The following ARRDC2 variants were observed in gnomAD, a reference collection of about 807,000 sequenced individuals.
ARRDC2 encodes arrestin domain containing 2, also known as arrestin domain-containing protein 2.
In ARRDC2, 39 loss-of-function variants were observed where a neutral mutation model predicts 38.9. The ratio of observed to expected loss-of-function variants is 1.00; its 90% CI spans 0.78 to 1.31. ARRDC2 has a LOEUF of 1.31. ARRDC2 is among the 50% of genes most tolerant of loss of function. The probability of loss-of-function intolerance (pLI) is 0.00; values close to 1 mark genes in which losing one functional copy is unlikely to be tolerated. For synonymous variants in ARRDC2, 300 were observed against 261.9 expected (o/e 1.15, Z -1.41); for missense variants, 553 against 588.4 (o/e 0.94, Z 0.62).
At chr19:18,008,116 A>ACGCCGCCC, upstream of ARRDC2, 1 of 522,500 alleles carries the variant, frequency 1.9e-6, no homozygotes, top group Non-Finnish European at 2.9e-6. Context: ...AGAGACGGTG[A>ACGCCGCCC]CCCCACCCCC....
At position 18,009,031 on chromosome 19, in the gene ARRDC2, C is replaced by T. The variant is rs1348987250; in HGVS notation, c.402C>T (p.Thr134=). 3.1e-6 allele frequency: 5 copies of T among 1,613,714 alleles called. No homozygotes were observed. Among genetic ancestry groups the T allele is most frequent in the Admixed American group, 3.3e-5 (2 of 60,018 alleles). The change falls in exon 3 of 8, where the codon ACC becomes ACT. Residue 134 remains threonine (T), a synonymous_variant. Coordinates refer to ENST00000222250, the MANE Select transcript of ARRDC2 (RefSeq NM_015683.2). The stretch of plus-strand genomic sequence containing the variant: ...GTGTCCGCTACTGTATCAAGGCCAC[C>T]CTGCACCGGCCCTGGGTCCCAGCAC... ...HGSVRYCIKA[T]LHRPWVPARR...
upstream of ARRDC2, among the ~76,000 whole-genome samples, chr19:18,006,145 G>T (rs1032284495): frequency 2.7e-5 from 4 of 150,892 alleles, no homozygotes. Context: ...TTTCCAGACT[G>T]GGCAGCCAGG....
chr19:18,007,911 C>T (rs1425270315), upstream of ARRDC2: 1 of 303,618 alleles, frequency 3.3e-6, no homozygotes, highest in Non-Finnish European at 6.2e-6. Flanking sequence ...GCCTCTGCAC[C>T]TCTTTTTTTC....
chr19:18,009,121 G>A lies in ARRDC2; in HGVS notation c.489+3G>A. 1 of 1,613,372 alleles carries A rather than the reference G, an allele frequency of 6.2e-7. No homozygotes were observed. Among genetic ancestry groups the A allele is most frequent in the African/African-American group, 1.3e-5 (1 of 75,034 alleles). On this transcript the variant is annotated splice_donor_region_variant and intron_variant, in intron 3 of 7. Coordinates refer to ENST00000222250, the MANE Select transcript of ARRDC2 (RefSeq NM_015683.2). ...ACATCAACACGCCAGCCCTGCTGGT[G>A]AGTGGCCACCCTTGGGGAGGTAGGT...
chr19:18,009,488 C>T (rs888511668), intron 3 of ARRDC2, 104 bp from the exon 4 acceptor site: 5 of 1,042,888 alleles, frequency 4.8e-6, no homozygotes, highest in Admixed American at 2.3e-5. Flanking sequence ...AGAAACCAAG[C>T]CCTGCCCAAA....
chr19:18,009,136 G>C lies in ARRDC2; in HGVS notation c.489+18G>C. 2 of 1,612,514 alleles carry C rather than the reference G, an allele frequency of 1.2e-6. No individual in the cohort carries two copies. Among genetic ancestry groups the C allele is most frequent in the South Asian group, 2.2e-5 (2 of 91,002 alleles). On this transcript the variant is annotated intron_variant, in intron 3 of 7. Coordinates refer to ENST00000222250, the MANE Select transcript of ARRDC2 (RefSeq NM_015683.2). ...CCCTGCTGGTGAGTGGCCACCCTTG[G>C]GGAGGTAGGTTGGGAGTATTGTAGG...
rs7259041 is a variant in ARRDC2 at position 18,012,929 on chromosome 19, T to C, written c.1187T>C (p.Leu396Pro). ...TTCTCTTAGGAGGATCCAAACCCAC[T>C]CTTGGGGGACATGAGGCCGCGCTGC... is the stretch of plus-strand genomic sequence containing the variant. ...PLYSEEDPNP[L>P]LGDMRPRCMT... The change falls in exon 8 of 8, where the codon CTC becomes CCC. Residue 396 changes from leucine to proline, a missense_variant. Physicochemically the swap from Leu to Pro is moderately conservative, Grantham distance 98. Transcript: ENST00000222250. The C allele has an allele frequency of 0.24, 381,802 of 1,612,928 alleles. 48,053 individuals carry two copies. The highest frequency in any genetic ancestry group is 0.47 in the African/African-American group (34,878 of 74,874).
chr19:18,013,884 A>G lies in ARRDC2; in HGVS notation c.*918A>G, dbSNP rs1482111331. 2.0e-5 allele frequency: 3 copies of G among 152,170 alleles called. No individual in the cohort carries two copies. Among genetic ancestry groups the G allele is most frequent in the African/African-American group, 7.2e-5 (3 of 41,432 alleles). 9.4% of individuals were successfully genotyped at this position (152,170 alleles called of 1,614,324 possible). ...TACGTCACCCCTGGGGACAGAGGTC[A>G]GCCTAAGGTGACACACGGGGACTAC... On this transcript the variant is annotated 3_prime_UTR_variant, in exon 8 of 8. Transcript: ENST00000222250.
At chr19:18,001,133 CA>C in exon 1 of ARRDC2, 1 of 559,886 alleles carries the variant, frequency 1.8e-6, no homozygotes, top group Non-Finnish European at 2.4e-6. Context: ...TGCAGAGGAC[CA>C]GGAAGTTCGC....
At chr19:18,008,115 G>GTGGGGCCC, upstream of ARRDC2, 1 of 810,030 alleles carries the variant, frequency 1.2e-6, no homozygotes, top group African/African-American at 2.2e-5. Flanking sequence ...AAGAGACGGT[G>GTGGGGCCC]ACCCCACCCC....
At chr19:18,005,987 C>T (rs568128231), upstream of ARRDC2, among the ~76,000 whole-genome samples, 1,060 of 147,484 alleles carry the variant, frequency 7.2e-3, 5 homozygotes, top group Non-Finnish European at 0.012. Flanking sequence ...ACATCCCAGA[C>T]GGGGCGGCGG....
chr19:18,004,038 G>A (rs902446086), upstream of ARRDC2, among the ~76,000 whole-genome samples: 1 of 151,114 alleles, frequency 6.6e-6, no homozygotes, highest in South Asian at 2.1e-4. Flanking sequence ...CTTCCAAAAT[G>A]CTTGGCTTAC....
At chr19:18,008,688 C>T (rs773690765) in intron 1 of ARRDC2, 23 bp from the exon 2 acceptor site, 12 of 1,612,002 alleles carry the variant, frequency 7.4e-6, no homozygotes, top group Admixed American at 5.0e-5. Context: ...CGCTCAGTCG[C>T]CTCCTTTTTC....
In ARRDC2 at chr19:18,008,227, A is replaced by G; in HGVS notation, c.-84A>G. On this transcript the variant is annotated 5_prime_UTR_variant, in exon 1 of 8. Transcript: ENST00000222250. ...GCGTTGACGGCGATTTTGCGTTCTG[A>G]GGCTGCAGCGTCGGCATCTTGAGCT... 1.4e-6 allele frequency: 2 copies of G among 1,465,356 alleles called. No individual in the cohort carries two copies. The highest frequency in any genetic ancestry group is 1.8e-6 in the Non-Finnish European group (2 of 1,109,738). The allele number at this position is 1,465,356 out of a possible 1,614,324, so 90.8% of individuals were successfully genotyped here.
At chr19:18,006,445 C>T (rs563223806), upstream of ARRDC2, among the ~76,000 whole-genome samples, 10 of 152,310 alleles carry the variant, frequency 6.6e-5, no homozygotes, top group East Asian at 1.9e-4. Flanking sequence ...GCCAACACAG[C>T]GAAACCCCTT....
chr19:18,001,362 C>T, exon 1 of ARRDC2: 1 of 1,197,814 alleles, frequency 8.3e-7, no homozygotes, highest in Non-Finnish European at 1.0e-6. Flanking sequence ...TGGCGCGGGG[C>T]CCGGGCGGCG....
upstream of ARRDC2, among the ~76,000 whole-genome samples, chr19:18,005,660 G>T (rs866097084): frequency 3.3e-5 from 5 of 149,320 alleles, no homozygotes; most frequent in African/African-American, 1.0e-4. Context: ...GCGGCTGGCC[G>T]GGCAGGGGGC....
intron 3 of ARRDC2, 169 bp downstream of exon 3, chr19:18,009,287 G>A (rs925868320): frequency 7.0e-5 from 57 of 814,924 alleles, no homozygotes; most frequent in East Asian, 1.1e-4. Flanking sequence ...CCCATTTGCC[G>A]TGTGACTCTG....
intron 7 of ARRDC2, among the ~76,000 whole-genome samples, chr19:18,011,416 AGCCACTGTGCCCGG>A (rs2033409355): frequency 6.6e-6 from 1 of 152,158 alleles, no homozygotes; most frequent in Non-Finnish European, 1.5e-5. Context: ...TACAGGCGTC[AGCCACTGTGCCCGG>A]CTGGCAGAGG....
Sources: gnomAD v4.1 joint callset for allele counts (sites outside exome capture counted in the v4.1 genomes callset) on GRCh38, gnomAD v4.1.1 for gene constraint, MANE v1.5 for transcripts, NCBI Gene and HGNC (gene_info 2026-07-23, HGNC 2026-07-21) for gene names.